ZNF229: variants seen among roughly 807,000 people sequenced by gnomAD.
The protein encoded by ZNF229 is zinc finger protein 229.
ZNF229 carries 10 observed loss-of-function variants against 11.8 expected under a neutral mutation model. The ratio of observed to expected loss-of-function variants is 0.85; its 90% CI spans 0.52 to 1.44. ZNF229 has a LOEUF of 1.44. Among genes scored for constraint, ZNF229 ranks in the 40% most tolerant of loss-of-function variants. ZNF229 has a pLI of 0.00. For synonymous variants in ZNF229, 368 were observed against 374.8 expected (o/e 0.98, Z 0.21); for missense variants, 1,045 against 1,015.1 (o/e 1.03, Z -0.40).
intron 4 of ZNF229, among the ~76,000 whole-genome samples, chr19:44,439,690 C>T (rs983014659): frequency 6.6e-6 from 1 of 151,990 alleles, no homozygotes; most frequent in Non-Finnish European, 1.5e-5. Flanking sequence ...GTGATCTGCC[C>T]GCCTTGGCCT....
intron 4 of ZNF229, among the ~76,000 whole-genome samples, chr19:44,436,618 C>T (rs1371776939): frequency 1.3e-5 from 2 of 151,330 alleles, no homozygotes; most frequent in Admixed American, 1.3e-4. Context: ...TACATCTCTA[C>T]AAAAAATAAA....
In ZNF229 at chr19:44,430,512, A is replaced by G. The variant is rs749884596; in HGVS notation, c.269T>C (p.Ile90Thr). 2.5e-6 allele frequency: 4 copies of G among 1,614,028 alleles called. No homozygotes were observed. The highest frequency in any genetic ancestry group is 1.7e-4 in the Middle Eastern group (1 of 6,060). ...AAAGAACCTTAATTCTTCATCTTGA[A>G]TATACTCCGTATCCTTTCCATTCTT... ...GDKNGKDTEYIQDEELRFFSH... is the reference protein window; with the variant it reads ...GDKNGKDTEYTQDEELRFFSH... Residue 90 changes from isoleucine (I) to threonine (T), a missense_variant, in exon 6 of 6, where the codon ATT becomes ACT. Physicochemically the swap from Ile to Thr is moderately conservative, Grantham distance 89 (BLOSUM62 -1). Coordinates refer to ENST00000614049, the MANE Select transcript of ZNF229 (RefSeq NM_014518.4).
chr19:44,429,537 CTG>C lies in ZNF229; in HGVS notation c.1242_1243del (p.Phe414LeufsTer78). On this transcript the variant is annotated frameshift_variant, in exon 6 of 6. Transcript: ENST00000614049. LOFTEE classifies it low-confidence loss of function (END_TRUNC). ...ATGGACTTGAAGCACTGAGCTGTAA[CTG>C]AAGCCCTTCCCACACTCGCTGCATT... The C allele has an allele frequency of 6.2e-7, 1 of 1,612,224 alleles. No homozygotes were observed. Among genetic ancestry groups the C allele is most frequent in the Non-Finnish European group, 8.5e-7 (1 of 1,178,584 alleles).
At chr19:44,436,428 A>G (rs917654467) in intron 4 of ZNF229, among the ~76,000 whole-genome samples, 2 of 152,018 alleles carry the variant, frequency 1.3e-5, no homozygotes, top group African/African-American at 4.8e-5. Flanking sequence ...ACCATTACTA[A>G]GTTCTAGCCA....
chr19:44,429,735 T>G lies in ZNF229; in HGVS notation c.1046A>C (p.Tyr349Ser). The change falls in exon 6 of 6, where the codon TAT becomes TCT. Residue 349 changes from tyrosine to serine, a missense_variant. Coordinates refer to ENST00000614049, the MANE Select transcript of ZNF229 (RefSeq NM_014518.4). ...HPRAPVGDMPYRCDVCGKGFR... is the reference protein window; with the variant it reads ...HPRAPVGDMPSRCDVCGKGFR... ...CCCCTTTCCACAGACATCACATCTA[T>G]AGGGCATGTCTCCCACAGGGGCTCT... is the stretch of plus-strand genomic sequence containing the variant. 6.2e-7 allele frequency: 1 copy of G among 1,614,114 alleles called. No individual in the cohort carries two copies. Among genetic ancestry groups the G allele is most frequent in the Non-Finnish European group, 8.5e-7 (1 of 1,180,018 alleles).
rs150031032 is a variant in ZNF229, at chr19:44,441,539, A to T, written c.93+1024T>A. Among the ~76,000 whole-genome samples the T allele has an allele frequency of 9.5e-3, 1,450 of 152,298 alleles. 17 individuals carry two copies. Among genetic ancestry groups the T allele is most frequent in the African/African-American group, 0.026 (1,097 of 41,558 alleles). ...ATATACTAAAGGATAGCCTATTTCCATATCCCTATATTTTCATTTACTTTA... is the reference window on the plus strand; with the variant it reads ...ATATACTAAAGGATAGCCTATTTCCTTATCCCTATATTTTCATTTACTTTA... On this transcript the variant is annotated intron_variant, in intron 4 of 5. Coordinates refer to ENST00000614049, the MANE Select transcript of ZNF229 (RefSeq NM_014518.4).
chr19:44,429,922 G>C lies in ZNF229; in HGVS notation c.859C>G (p.Pro287Ala), dbSNP rs747084038. ...TATTGACAGAGTTTCTCTTTCAAAG[G>C]TACTCTTGGATGCGGGGGAAGGTCT... ...DADLPPHPRV[P>A]LKEKLCQYDE... The change falls in exon 6 of 6, where the codon CCT (proline) becomes GCT (alanine). Residue 287 changes from proline to alanine, a missense_variant. By Grantham distance (27) the Pro-to-Ala change is conservative. Transcript: ENST00000614049. 1.2e-6 allele frequency: 2 copies of C among 1,613,888 alleles called. 1 individual carries two copies. The highest frequency in any genetic ancestry group is 1.7e-6 in the Non-Finnish European group (2 of 1,179,996).
chr19:44,428,726 C>A lies in ZNF229; in HGVS notation c.2055G>T (p.Thr685=). Residue 685 remains threonine (T), a synonymous_variant, in exon 6 of 6, where the codon ACG becomes ACT. Transcript: ENST00000614049. Reference sequence around the variant, plus strand: ...TGAATCCCTTGCCACACTGATCACACGTATAGGGCTTTTTTCCCGTGTGGA... The same window carrying A: ...TGAATCCCTTGCCACACTGATCACAAGTATAGGGCTTTTTTCCCGTGTGGA... ...QRVHTGKKPY[T]CDQCGKGFSY... The A allele has an allele frequency of 6.2e-7, 1 of 1,613,592 alleles. No individual in the cohort carries two copies. The highest frequency in any genetic ancestry group is 1.1e-5 in the South Asian group (1 of 91,036).
Position 44,429,332 on chromosome 19 carries a change from G to A in ZNF229, c.1449C>T (p.His483=), listed in dbSNP as rs1313750749. The change falls in exon 6 of 6, where the codon CAC becomes CAT. Residue 483 remains histidine, a synonymous_variant. Coordinates refer to ENST00000614049, the MANE Select transcript of ZNF229 (RefSeq NM_014518.4). Reference sequence around the variant, plus strand: ...CACACTGGTAGGGCCTCTCGCCGGTGTGTGTCTTCTGATGACTGCTGAGGT... The same window carrying A: ...CACACTGGTAGGGCCTCTCGCCGGTATGTGTCTTCTGATGACTGCTGAGGT... ...SSHLSSHQKT[H]TGERPYQCDK... The A allele has an allele frequency of 3.1e-6, 5 of 1,614,130 alleles. No individual in the cohort carries two copies. In the South Asian group the frequency reaches 5.5e-5, roughly 18 times the overall value.
chr19:44,438,637 A>C (rs1971854627), intron 4 of ZNF229, among the ~76,000 whole-genome samples: 1 of 152,166 alleles, frequency 6.6e-6, no homozygotes, highest in South Asian at 2.1e-4. Context: ...GGAAAGAACA[A>C]GGAAGGATTA....
At chr19:44,442,536 T>C (rs770773186) in intron 4 of ZNF229, 27 bp downstream of exon 4, 24 of 1,611,722 alleles carry the variant, frequency 1.5e-5, no homozygotes, top group Admixed American at 1.0e-4. Flanking sequence ...AAGGTGGTAT[T>C]TCGGGAGAGA....
chr19:44,430,153 C>T lies in ZNF229; in HGVS notation c.628G>A (p.Asp210Asn). Reference protein sequence around the residue: ...QERCKNLDTEDTVYKCNWDDD... With the variant: ...QERCKNLDTENTVYKCNWDDD... The stretch of plus-strand genomic sequence containing the variant: ...TCCCAGTTACATTTATATACTGTGT[C>T]TTCTGTGTCGAGATTTTTACATCTT... Residue 210 changes from aspartate (D) to asparagine (N), a missense_variant, in exon 6 of 6, where the codon GAC (aspartate) becomes AAC (asparagine). Transcript: ENST00000614049. 1.9e-6 allele frequency: 3 copies of T among 1,614,084 alleles called. No homozygotes were observed. Among genetic ancestry groups the T allele is most frequent in the Non-Finnish European group, 2.5e-6 (3 of 1,180,022 alleles).
At chr19:44,444,113 G>A (rs1313936021) in intron 2 of ZNF229, among the ~76,000 whole-genome samples, 1 of 152,134 alleles carries the variant, frequency 6.6e-6, no homozygotes, top group Non-Finnish European at 1.5e-5. Context: ...AGGGTCCTAA[G>A]CAATTCTATC....
chr19:44,443,452 T>C (rs951438488), intron 2 of ZNF229, among the ~76,000 whole-genome samples: 1 of 152,192 alleles, frequency 6.6e-6, no homozygotes, highest in Admixed American at 6.5e-5. Context: ...TTAGTCAGCG[T>C]TTTTAACTTT....
At position 44,430,364 on chromosome 19, in the gene ZNF229, G is replaced by C. The variant is rs1971698322; in HGVS notation, c.417C>G (p.Pro139=). ...KDFQFSEDAA[P]HQGWEGASTP... Reference sequence around the variant, plus strand: ...TAGATGCTCCTTCCCACCCTTGATGGGGAGCAGCATCTTCTGAGAACTGGA... The same window carrying C: ...TAGATGCTCCTTCCCACCCTTGATGCGGAGCAGCATCTTCTGAGAACTGGA... The change falls in exon 6 of 6, where the codon CCC becomes CCG. Residue 139 remains proline, a synonymous_variant. Coordinates refer to ENST00000614049, the MANE Select transcript of ZNF229 (RefSeq NM_014518.4). The C allele has an allele frequency of 1.9e-6, 3 of 1,613,990 alleles. No individual in the cohort carries two copies. In the Admixed American group the frequency reaches 5.0e-5, roughly 27 times the overall value.
rs756675139 is a variant in ZNF229, at chr19:44,432,240, C to T, written c.220G>A (p.Gly74Ser). The T allele has an allele frequency of 1.2e-6, 2 of 1,613,332 alleles. No homozygotes were observed. The highest frequency in any genetic ancestry group is 4.5e-5 in the East Asian group (2 of 44,876). ...QENFRNLLSV[G>S]ERNPLGDKNG... ...CAATTACCCAGAGGATTCCTCTCAC[C>T]CACTGAGAGTAGGTTCCTGAAATTC... The change falls in exon 5 of 6, where the codon GGT becomes AGT. Residue 74 changes from glycine to serine, a missense_variant. By Grantham distance (56) the Gly-to-Ser change is moderately conservative. Coordinates refer to ENST00000614049, the MANE Select transcript of ZNF229 (RefSeq NM_014518.4).
rs1173440669 is a variant in ZNF229, at chr19:44,430,448, C to T, written c.333G>A (p.Glu111=). The T allele has an allele frequency of 6.2e-7, 1 of 1,614,150 alleles. No individual in the cohort carries two copies. The highest frequency in any genetic ancestry group is 1.7e-5 in the Admixed American group (1 of 60,024). ...KELSSCKIWE[E]VAGELPGSQD... ...GGCTCCCAGGTAATTCACCTGCCAC[C>T]TCTTCCCAGATTTTGCATGAGGAGA... The change falls in exon 6 of 6, where the codon GAG becomes GAA. Residue 111 remains glutamate (E), a synonymous_variant. Transcript: ENST00000614049.
chr19:44,430,252 T>C lies in ZNF229; in HGVS notation c.529A>G (p.Arg177Gly). The change falls in exon 6 of 6, where the codon AGA (arginine) becomes GGA (glycine). Residue 177 changes from arginine (R) to glycine (G), a missense_variant. Physicochemically the swap from Arg to Gly is moderately radical, Grantham distance 125. Transcript: ENST00000614049. ...GLENQQFPAW[R>G]AIRPIPIQGS... ...TGAATGGGGATTGGTCTTATAGCTC[T>C]CCAGGCTGGAAACTGTTGATTTTCT... The C allele has an allele frequency of 6.2e-7, 1 of 1,614,174 alleles. No homozygotes were observed. Among genetic ancestry groups the C allele is most frequent in the Non-Finnish European group, 8.5e-7 (1 of 1,180,042 alleles).
chr19:44,442,485 C>T (rs923554784), intron 4 of ZNF229, 78 bp downstream of exon 4: 2 of 1,503,490 alleles, frequency 1.3e-6, no homozygotes, highest in Admixed American at 1.8e-5. Context: ...CGCTCTTTTT[C>T]CTTTTACCGA....
Sources: allele counts gnomAD v4.1 joint callset (sites outside exome capture counted in the v4.1 genomes callset), GRCh38; gene constraint gnomAD v4.1.1; transcripts MANE v1.5; gene names NCBI Gene and HGNC (gene_info 2026-07-23, HGNC 2026-07-21).